CREM: variants seen among roughly 807,000 people sequenced by gnomAD.
CREM encodes cAMP responsive element modulator.
CREM carries 13 observed loss-of-function variants against 37.3 expected under a neutral mutation model. That is an observed-to-expected ratio of 0.35 (90% CI 0.23 to 0.55). CREM has a LOEUF of 0.55. Among genes scored for constraint, CREM ranks in the 20% least tolerant of loss-of-function variants. The pLI is 0.88. For missense variants in CREM, 296 were observed against 362.3 expected (o/e 0.82, Z 1.49); for synonymous variants, 124 against 120.2 (o/e 1.03, Z -0.21).
intron 3 of CREM, among the ~76,000 whole-genome samples, chr10:35,170,179 A>T (rs967655066): frequency 6.6e-5 from 10 of 151,820 alleles, no homozygotes; most frequent in African/African-American, 2.2e-4. Context: ...GTTAGCCAGG[A>T]TGGTCTCTAT....
At chr10:35,161,585 C>A (rs576925184) in intron 3 of CREM, among the ~76,000 whole-genome samples, 1 of 151,764 alleles carries the variant, frequency 6.6e-6, no homozygotes, top group South Asian at 2.1e-4. Context: ...ATCACTTGAA[C>A]CCGGGAGGCA....
intron 6 of CREM, among the ~76,000 whole-genome samples, chr10:35,191,565 A>AG (rs2094920131): frequency 6.6e-6 from 1 of 152,080 alleles, no homozygotes; most frequent in African/African-American, 2.4e-5. Flanking sequence ...ATCTCACTGA[A>AG]GGGCCCTGTC....
chr10:35,148,265 G>A (rs1307441132), intron 2 of CREM, 103 bp from the exon 3 acceptor site: 2 of 1,165,492 alleles, frequency 1.7e-6, no homozygotes, highest in East Asian at 5.1e-5. Flanking sequence ...TCAGATTTTG[G>A]AGCATTTCAG....
At chr10:35,186,845 C>T (rs553563388) in intron 5 of CREM, among the ~76,000 whole-genome samples, 2 of 104,436 alleles carry the variant, frequency 1.9e-5, no homozygotes, top group Non-Finnish European at 3.5e-5. Context: ...GGTATATATA[C>T]GTATATATGT....
At chr10:35,165,713 A>G (rs930281869) in intron 3 of CREM, among the ~76,000 whole-genome samples, 11 of 151,516 alleles carry the variant, frequency 7.3e-5, no homozygotes, top group African/African-American at 2.4e-4. Flanking sequence ...ACTTTAATAT[A>G]TATATTATTA....
chr10:35,166,070 C>T (rs1056056921), intron 3 of CREM, among the ~76,000 whole-genome samples: 2 of 152,028 alleles, frequency 1.3e-5, no homozygotes, highest in East Asian at 1.9e-4. Context: ...TGGATTTCAG[C>T]TTATGCGCTA....
chr10:35,186,998 T>A (rs1293563614), intron 5 of CREM, among the ~76,000 whole-genome samples: 8 of 88,948 alleles, frequency 9.0e-5, no homozygotes, highest in Non-Finnish European at 1.2e-4. Flanking sequence ...ATATTATATA[T>A]TATATATAAT....
chr10:35,130,974 A>C (rs1248640717), intron 1 of CREM, among the ~76,000 whole-genome samples: 1 of 152,226 alleles, frequency 6.6e-6, no homozygotes, highest in Non-Finnish European at 1.5e-5. Flanking sequence ...ATTACTGGCA[A>C]CGTGTGTGTG....
At chr10:35,138,735 T>A (rs1318399995) in intron 2 of CREM, among the ~76,000 whole-genome samples, 4 of 151,546 alleles carry the variant, frequency 2.6e-5, no homozygotes, top group Non-Finnish European at 5.9e-5. Flanking sequence ...AAAAAAAATT[T>A]TTTTTAGGCC....
At chr10:35,191,268 C>T (rs367984207) in intron 6 of CREM, among the ~76,000 whole-genome samples, 13 of 151,914 alleles carry the variant, frequency 8.6e-5, no homozygotes, top group East Asian at 7.7e-4. Flanking sequence ...TAGAGAAATA[C>T]GGATTATTTT....
chr10:35,163,584 G>GAGGCAGTCAGATCACCTGAGGTC, intron 3 of CREM, among the ~76,000 whole-genome samples: 1 of 152,250 alleles, frequency 6.6e-6, no homozygotes, highest in East Asian at 1.9e-4. Context: ...TTGGGAAGCT[G>GAGGCAGTCAGATCACCTGAGGTC]AGGCAGTCAG....
chr10:35,167,858 G>A (rs773331863), intron 3 of CREM: 11 of 1,474,676 alleles, frequency 7.5e-6, no homozygotes, highest in Middle Eastern at 3.5e-4. Flanking sequence ...GTGAAAAGAG[G>A]GGTAAAAATT....
chr10:35,150,290 A>G (rs953885433), intron 3 of CREM, among the ~76,000 whole-genome samples: 31 of 151,840 alleles, frequency 2.0e-4, no homozygotes, highest in African/African-American at 7.3e-4. Flanking sequence ...CAGCTTCCCA[A>G]AGTGCTGGAA....
chr10:35,202,776 A>G (rs774910319), intron 6 of CREM, among the ~76,000 whole-genome samples: 2 of 152,198 alleles, frequency 1.3e-5, no homozygotes, highest in Non-Finnish European at 2.9e-5. Context: ...TGAATATATG[A>G]TACCTCTGAA....
intron 5 of CREM, among the ~76,000 whole-genome samples, chr10:35,183,012 A>C (rs2094417196): frequency 6.6e-6 from 1 of 152,186 alleles, no homozygotes; most frequent in South Asian, 2.1e-4. Flanking sequence ...AAATGTTTGA[A>C]GCTTCCTAAT....
At chr10:35,175,953 C>T in intron 3 of CREM, 1 of 1,551,394 alleles carries the variant, frequency 6.4e-7, no homozygotes, top group African/African-American at 1.4e-5. Context: ...GTAATTCAGA[C>T]ACCACAGCCA....
chr10:35,202,570 C>G (rs779308701), intron 6 of CREM, among the ~76,000 whole-genome samples: 2 of 152,056 alleles, frequency 1.3e-5, no homozygotes, highest in Non-Finnish European at 2.9e-5. Flanking sequence ...TTGCCCATAT[C>G]TTTTTAAATG....
rs762160652 is a variant in CREM at position 35,211,742 on chromosome 10, A to G, written c.*344A>G. On this transcript the variant is annotated 3_prime_UTR_variant, in exon 8 of 8. Transcript: ENST00000685392. ...GTTGCAGTGCTGGAAGTCCAGAACAAGAAGCTTATAGAGGAACTTGAAACC... is the reference window on the plus strand; with the variant it reads ...GTTGCAGTGCTGGAAGTCCAGAACAGGAAGCTTATAGAGGAACTTGAAACC... 2 of 1,613,948 alleles carry G rather than the reference A, an allele frequency of 1.2e-6. No individual in the cohort carries two copies. Among genetic ancestry groups the G allele is most frequent in the African/African-American group, 1.3e-5 (1 of 74,906 alleles).
chr10:35,176,638 T>C (rs2094104095), intron 3 of CREM, among the ~76,000 whole-genome samples: 1 of 152,100 alleles, frequency 6.6e-6, no homozygotes, highest in South Asian at 2.1e-4. Context: ...CTTGATCTCC[T>C]GACCTCGTGA....
Sources: allele counts gnomAD v4.1 joint callset (sites outside exome capture counted in the v4.1 genomes callset), GRCh38; gene constraint gnomAD v4.1.1; transcripts MANE v1.5; gene names NCBI Gene and HGNC (gene_info 2026-07-23, HGNC 2026-07-21).